The following SLIT3 variants were observed in gnomAD, a reference collection of about 807,000 sequenced individuals.
SLIT3 encodes the protein slit guidance ligand 3, also known as slit homolog 3 protein.
Under a neutral mutation model 184.0 loss-of-function variants are expected in SLIT3, and 68 were observed. The observed-to-expected ratio is 0.37, with a 90% CI of 0.30 to 0.45. The LOEUF (loss-of-function observed/expected upper bound fraction) is 0.45. SLIT3 is among the 20% of genes least tolerant of loss of function. SLIT3 has a pLI of 1.00. For missense variants in SLIT3, 1,707 were observed against 2,026.0 expected, an observed-to-expected ratio of 0.84 and a Z score of 3.02; for synonymous variants, 831 against 828.6, an observed-to-expected ratio of 1.00 and a Z score of -0.05.
At chr5:168,686,763 C>T (rs1376763073) in intron 30 of SLIT3, among the ~76,000 whole-genome samples, 1 of 152,262 alleles carries the variant, frequency 6.6e-6, no homozygotes, top group Admixed American at 6.5e-5. Flanking sequence ...AGTAGCTCTT[C>T]TCCCATCTAC....
chr5:169,001,688 C>T (rs1390457545), intron 4 of SLIT3, among the ~76,000 whole-genome samples: 1 of 152,152 alleles, frequency 6.6e-6, no homozygotes, highest in Non-Finnish European at 1.5e-5. Flanking sequence ...GAATTAATAT[C>T]TCTGGAACCC....
chr5:168,923,064 G>A (rs1323684150), intron 4 of SLIT3, among the ~76,000 whole-genome samples: 1 of 152,190 alleles, frequency 6.6e-6, no homozygotes, highest in Non-Finnish European at 1.5e-5. Context: ...GATGGGAGCA[G>A]AGGGGACTTG....
At chr5:169,086,986 C>G (rs1203814979) in intron 4 of SLIT3, among the ~76,000 whole-genome samples, 2 of 152,196 alleles carry the variant, frequency 1.3e-5, no homozygotes, top group Non-Finnish European at 2.9e-5. Flanking sequence ...AAGATTAGTG[C>G]TATGCAAAGT....
chr5:169,054,579 C>A (rs976885019), intron 4 of SLIT3, among the ~76,000 whole-genome samples: 1 of 152,088 alleles, frequency 6.6e-6, no homozygotes, highest in Non-Finnish European at 1.5e-5. Flanking sequence ...CTTCCCAAAA[C>A]GCAACCCTAA....
chr5:169,148,611 T>C (rs528305323), intron 4 of SLIT3, among the ~76,000 whole-genome samples: 10 of 152,332 alleles, frequency 6.6e-5, no homozygotes, highest in African/African-American at 2.4e-4. Context: ...GCATAATATT[T>C]TCTTTGCACG....
chr5:169,071,513 A>G (rs1485463933), intron 4 of SLIT3, among the ~76,000 whole-genome samples: 4 of 152,228 alleles, frequency 2.6e-5, no homozygotes, highest in African/African-American at 4.8e-5. Context: ...ATAAATGACT[A>G]TAGTGGAAAA....
At chr5:169,247,215 C>CA (rs34569490) in intron 2 of SLIT3, among the ~76,000 whole-genome samples, 2,768 of 124,136 alleles carry the variant, frequency 0.022, 28 homozygotes, top group Non-Finnish European at 0.026. Flanking sequence ...GACTCTGTCT[C>CA]AAAAAAAAAA....
intron 18 of SLIT3, among the ~76,000 whole-genome samples, chr5:168,750,647 G>A (rs1754662559): frequency 6.6e-6 from 1 of 152,136 alleles, no homozygotes; most frequent in Admixed American, 6.5e-5. Context: ...TTCCAATGTG[G>A]AGGTACCTAG....
intron 8 of SLIT3, among the ~76,000 whole-genome samples, chr5:168,812,435 T>C (rs1021637930): frequency 1.3e-5 from 2 of 152,222 alleles, no homozygotes; most frequent in African/African-American, 4.8e-5. Context: ...TATACATATA[T>C]TGAAACATCA....
intron 4 of SLIT3, among the ~76,000 whole-genome samples, chr5:168,943,616 G>A (rs900305567): frequency 3.3e-5 from 5 of 152,210 alleles, no homozygotes; most frequent in Admixed American, 6.5e-5. Context: ...GCATTGCTGT[G>A]TAGGTCAAAT....
intron 4 of SLIT3, among the ~76,000 whole-genome samples, chr5:169,097,311 C>G (rs1198564413): frequency 6.6e-6 from 1 of 151,870 alleles, no homozygotes; most frequent in Non-Finnish European, 1.5e-5. Flanking sequence ...TGTGGTATTA[C>G]AGTTTGCTTG....
intron 4 of SLIT3, among the ~76,000 whole-genome samples, chr5:168,926,215 A>G (rs1761818322): frequency 6.6e-6 from 1 of 152,112 alleles, no homozygotes; most frequent in Non-Finnish European, 1.5e-5. Context: ...CAGTGATAAC[A>G]CTGCTTTTCT....
chr5:168,912,734 G>A (rs1483789846), intron 4 of SLIT3, among the ~76,000 whole-genome samples: 1 of 151,924 alleles, frequency 6.6e-6, no homozygotes, highest in African/African-American at 2.4e-5. Context: ...AAGAAACTAG[G>A]GTTTGCCCAT....
intron 13 of SLIT3, among the ~76,000 whole-genome samples, 170 bp from the exon 14 acceptor site, chr5:168,773,114 G>T (rs1001280698): frequency 6.6e-6 from 1 of 152,132 alleles, no homozygotes; most frequent in Non-Finnish European, 1.5e-5. Flanking sequence ...TCAAAGAGGG[G>T]GTCTGAGGCC....
chr5:169,094,134 A>G (rs1759689188), intron 4 of SLIT3, among the ~76,000 whole-genome samples: 1 of 152,240 alleles, frequency 6.6e-6, no homozygotes, highest in Admixed American at 6.5e-5. Flanking sequence ...TAAATGTTGG[A>G]GCCAGGATTT....
At position 168,723,102 on chromosome 5, in the gene SLIT3, T is replaced by TCTACCCATCCACCCATCCACCCAC. The variant is rs1762996004; in HGVS notation, c.2340-122_2340-99dup. The TCTACCCATCCACCCATCCACCCAC allele has an allele frequency of 6.2e-6, 5 of 811,372 alleles. No individual in the cohort carries two copies. The Admixed American group carries it at 9.0e-5, about 15-fold the overall frequency. The allele number at this position is 811,372 out of a possible 1,614,324, so 50.3% of individuals were successfully genotyped here. ...CACATACCTGCCATCCACCCACTCA[T>TCTACCCATCCACCCATCCACCCAC]CTACCCATCCACCCATCCACCCACC... is the stretch of plus-strand genomic sequence containing the variant. On this transcript the variant is annotated intron_variant, in intron 21 of 35. Transcript: ENST00000519560.
At chr5:168,819,663 C>T (rs760883810) in intron 7 of SLIT3, among the ~76,000 whole-genome samples, 4 of 152,148 alleles carry the variant, frequency 2.6e-5, no homozygotes, top group East Asian at 1.9e-4. Context: ...ACAAAAATGA[C>T]GTTTAGGTAA....
chr5:168,697,793 T>A (rs935808196), intron 27 of SLIT3, among the ~76,000 whole-genome samples: 2 of 152,184 alleles, frequency 1.3e-5, no homozygotes, highest in Non-Finnish European at 2.9e-5. Context: ...TGGGCACTCA[T>A]GAAAAAGGCT....
intron 8 of SLIT3, among the ~76,000 whole-genome samples, chr5:168,810,545 G>T (rs889997680): frequency 1.3e-5 from 2 of 152,228 alleles, no homozygotes; most frequent in African/African-American, 4.8e-5. Flanking sequence ...TGCTCTGCTG[G>T]GGTGGATTTC....
Sources: gnomAD v4.1 joint callset for allele counts (sites outside exome capture counted in the v4.1 genomes callset) on GRCh38, gnomAD v4.1.1 for gene constraint, MANE v1.5 for transcripts, NCBI Gene and HGNC (gene_info 2026-07-23, HGNC 2026-07-21) for gene names.